Variants in NPBWR1 observed in about 807,000 individuals in gnomAD.
The protein encoded by NPBWR1 is neuropeptides B and W receptor 1.
NPBWR1 carries 4 observed loss-of-function variants against 2.8 expected under a neutral mutation model. That is an observed-to-expected ratio of 1.44 (90% CI 0.71 to 3.29). The LOEUF is 3.29. Among genes scored for constraint, NPBWR1 ranks in the 30% most tolerant of loss-of-function variants. NPBWR1 has a pLI of 0.01. For missense variants in NPBWR1, 545 were observed against 462.5 expected, an observed-to-expected ratio of 1.18 and a Z score of -1.64; for synonymous variants, 250 against 224.5, an observed-to-expected ratio of 1.11 and a Z score of -1.02.
Position 52,939,985 on chromosome 8 carries a change from G to T in NPBWR1, c.78G>T (p.Ala26=), listed in dbSNP as rs750034229. The T allele has an allele frequency of 2.5e-6, 4 of 1,601,908 alleles. No individual in the cohort carries two copies. Among genetic ancestry groups the T allele is most frequent in the Non-Finnish European group, 2.5e-6 (3 of 1,179,128 alleles). The change falls in exon 2 of 2, where the codon GCG becomes GCT. Residue 26 remains alanine (A), a synonymous_variant. Transcript: ENST00000674939. ...GPDPALSCSN[A]STLAPLPAPL... ...ACCCGGCGCTGAGCTGCTCCAACGC[G>T]TCGACTCTGGCGCCGCTGCCGGCGC...
At position 52,940,971 on chromosome 8, in the gene NPBWR1, C is replaced by A. The variant is rs1860189037; in HGVS notation, c.*77C>A. Reference sequence around the variant, plus strand: ...AGGAGCCGGCGCCAGAGTGCGGGACCAGACAGGCCGCCTAGGCCTCCTGGG... The same window carrying A: ...AGGAGCCGGCGCCAGAGTGCGGGACAAGACAGGCCGCCTAGGCCTCCTGGG... On this transcript the variant is annotated 3_prime_UTR_variant, in exon 2 of 2. Transcript: ENST00000674939. 3.4e-6 allele frequency: 5 copies of A among 1,485,226 alleles called. No individual in the cohort carries two copies. Among genetic ancestry groups the A allele is most frequent in the Non-Finnish European group, 3.6e-6 (4 of 1,123,568 alleles). 92.0% of individuals were successfully genotyped at this position (1,485,226 alleles called of 1,614,324 possible). A position where few individuals can be genotyped will look rare whatever the true frequency, so the allele number is the denominator to read the frequency against.
At chr8:52,939,513 A>G in intron 1 of NPBWR1, 147 bp downstream of exon 1, 1 of 187,498 alleles carries the variant, frequency 5.3e-6, no homozygotes, top group Non-Finnish European at 1.1e-5. Context: ...CATTTTTCCT[A>G]TGGAGGATTC....
chr8:52,939,562 A>C, intron 1 of NPBWR1, 149 bp from the exon 2 acceptor site: 1 of 288,504 alleles, frequency 3.5e-6, no homozygotes, highest in Non-Finnish European at 6.4e-6. Flanking sequence ...TTCAACTGGT[A>C]GAAGTGAGAT....
At chr8:52,939,633 C>T (rs914540198) in intron 1 of NPBWR1, 78 bp from the exon 2 acceptor site, 8 of 421,776 alleles carry the variant, frequency 1.9e-5, no homozygotes, top group South Asian at 7.5e-5. Flanking sequence ...GCGCCACCCC[C>T]ACCCCTCCTC....
chr8:52,941,907 G>A lies in NPBWR1; in HGVS notation c.*1013G>A, dbSNP rs544421115. Among the ~76,000 whole-genome samples the A allele has an allele frequency of 7.2e-5, 11 of 152,314 alleles. No homozygotes were observed. Among genetic ancestry groups the A allele is most frequent in the African/African-American group, 2.4e-4 (10 of 41,576 alleles). On this transcript the variant is annotated 3_prime_UTR_variant, in exon 2 of 2. Transcript: ENST00000674939. ...CATCGTTGCTTATAGAGGATGCCAAGCCCCACCCCCATTCCCCCAATTGGC... is the reference window on the plus strand; with the variant it reads ...CATCGTTGCTTATAGAGGATGCCAAACCCCACCCCCATTCCCCCAATTGGC...
Position 52,942,762 on chromosome 8 carries a change from C to T in NPBWR1, c.*1868C>T. ...CATAGCCATCAGTTTAGAAAATATA[C>T]ATTAAAAAACCTTCTGTCTTGGGTG... On this transcript the variant is annotated 3_prime_UTR_variant, in exon 2 of 2. Coordinates refer to ENST00000674939, the MANE Select transcript of NPBWR1 (RefSeq NM_005285.5). 6.6e-6 allele frequency among the ~76,000 whole-genome samples: 1 copy of T among 152,050 alleles called. No individual in the cohort carries two copies. The highest frequency in any genetic ancestry group is 1.5e-5 in the Non-Finnish European group (1 of 68,006).
Position 52,940,915 on chromosome 8 carries a change from G to C in NPBWR1, c.*21G>C. The C allele has an allele frequency of 6.5e-7, 1 of 1,548,898 alleles. No homozygotes were observed. Among genetic ancestry groups the C allele is most frequent in the Non-Finnish European group, 8.7e-7 (1 of 1,148,920 alleles). ...CCTGACTCCCCCAGCGTCCGGCTCC[G>C]CAACTGCCCGCCACTCCTGGCCAGC... On this transcript the variant is annotated 3_prime_UTR_variant, in exon 2 of 2. Coordinates refer to ENST00000674939, the MANE Select transcript of NPBWR1 (RefSeq NM_005285.5).
In NPBWR1 at chr8:52,940,650, G is replaced by C; in HGVS notation, c.743G>C (p.Arg248Pro). 8.1e-6 allele frequency: 13 copies of C among 1,611,054 alleles called. 1 individual carries two copies. Among genetic ancestry groups the C allele is most frequent in the South Asian group, 5.5e-5 (5 of 90,900 alleles). ...AAGGCCCTGGAGCGCGCCAAGAAGC[G>C]GGTGACCTTCCTGGTGGTGGCAATC... ...HAKALERAKK[R>P]VTFLVVAILA... Residue 248 changes from arginine to proline, a missense_variant, in exon 2 of 2, where the codon CGG becomes CCG. Physicochemically the swap from Arg to Pro is moderately radical, Grantham distance 103 (BLOSUM62 -2). Transcript: ENST00000674939.
At position 52,942,539 on chromosome 8, in the gene NPBWR1, T is replaced by C. The variant is rs1451339161; in HGVS notation, c.*1645T>C. ...CATGTGTGAGAAAAAAAAATGTGAG[T>C]GTTGCAGCACATTTTGTTTGCTTAG... On this transcript the variant is annotated 3_prime_UTR_variant, in exon 2 of 2. Transcript: ENST00000674939. Among the ~76,000 whole-genome samples the C allele has an allele frequency of 6.6e-6, 1 of 152,142 alleles. No homozygotes were observed. The highest frequency in any genetic ancestry group is 1.5e-5 in the Non-Finnish European group (1 of 68,016).
rs537467399 is a variant in NPBWR1, at chr8:52,943,445, T to C, written c.*2551T>C. On this transcript the variant is annotated 3_prime_UTR_variant, in exon 2 of 2. Transcript: ENST00000674939. ...TATCTCAGGCTTCCTTTTTATGTCT[T>C]GGGTAATCGGTTGAATAAATACACA... 6.6e-6 allele frequency among the ~76,000 whole-genome samples: 1 copy of C among 152,202 alleles called. No homozygotes were observed. Among genetic ancestry groups the C allele is most frequent in the Non-Finnish European group, 1.5e-5 (1 of 68,028 alleles).
Position 52,940,057 on chromosome 8 carries a change from G to A in NPBWR1, c.150G>A (p.Val50=), listed in dbSNP as rs769245122. 3.1e-6 allele frequency: 5 copies of A among 1,609,154 alleles called. No individual in the cohort carries two copies. The South Asian group carries it at 3.3e-5, about 11-fold the overall frequency. ...VPVVYAVICA[V]GLAGNSAVLY... is the part of the protein sequence containing the mutation. Reference sequence around the variant, plus strand: ...TTGTCTACGCGGTGATCTGCGCCGTGGGTCTGGCGGGCAACTCCGCCGTGC... The same window carrying A: ...TTGTCTACGCGGTGATCTGCGCCGTAGGTCTGGCGGGCAACTCCGCCGTGC... Residue 50 remains valine, a synonymous_variant, in exon 2 of 2, where the codon GTG becomes GTA. Transcript: ENST00000674939.
Position 52,941,133 on chromosome 8 carries a change from T to C in NPBWR1, c.*239T>C, listed in dbSNP as rs993963253. The C allele has an allele frequency of 1.2e-5, 7 of 596,382 alleles. No homozygotes were observed. In the African/African-American group the frequency reaches 1.3e-4, roughly 11 times the overall value. 36.9% of individuals were successfully genotyped at this position (596,382 alleles called of 1,614,324 possible). A position where few individuals can be genotyped will look rare whatever the true frequency, so the allele number is the denominator to read the frequency against. ...AGAACTGAGGCTGAGATCGCCACAC[T>C]GAGGGCTCCCTAAAGCCGAGGTGGA... On this transcript the variant is annotated 3_prime_UTR_variant, in exon 2 of 2. Transcript: ENST00000674939.
In NPBWR1 at chr8:52,943,563, AT is replaced by A. The variant is rs1449473603; in HGVS notation, c.*2670del. ...TTCTTGCAGTTTCTGTGTAAACTCT[AT>A]GGTTTGGTTTTACCACTTTGAATAG... On this transcript the variant is annotated 3_prime_UTR_variant, in exon 2 of 2. Coordinates refer to ENST00000674939, the MANE Select transcript of NPBWR1 (RefSeq NM_005285.5). Among the ~76,000 whole-genome samples the A allele has an allele frequency of 2.6e-5, 4 of 152,204 alleles. No homozygotes were observed. Among genetic ancestry groups the A allele is most frequent in the Non-Finnish European group, 5.9e-5 (4 of 68,042 alleles).
rs576929528 is a variant in NPBWR1, at chr8:52,942,065, A to G, written c.*1171A>G. On this transcript the variant is annotated 3_prime_UTR_variant, in exon 2 of 2. Coordinates refer to ENST00000674939, the MANE Select transcript of NPBWR1 (RefSeq NM_005285.5). ...TGCCATGAAGATCAAATAAGATAAA[A>G]AGAAATGCGATCTATTCTCTTGTGT... Among the ~76,000 whole-genome samples, 8 of 152,262 alleles carry G rather than the reference A, an allele frequency of 5.3e-5. No individual in the cohort carries two copies. The highest frequency in any genetic ancestry group is 8.8e-5 in the Non-Finnish European group (6 of 68,046).
Position 52,940,135 on chromosome 8 carries a change from C to G in NPBWR1, c.228C>G (p.Ile76Met), listed in dbSNP as rs141178900. The change falls in exon 2 of 2, where the codon ATC (isoleucine) becomes ATG (methionine). Residue 76 changes from isoleucine to methionine, a missense_variant. Physicochemically the swap from Ile to Met is conservative, Grantham distance 10. Transcript: ENST00000674939. ...TGAAGACCGTCACCAACCTGTTCAT[C>G]CTCAACCTGGCCATCGCCGACGAGC... ...PRMKTVTNLF[I>M]LNLAIADELF... 3.1e-6 allele frequency: 5 copies of G among 1,613,406 alleles called. No homozygotes were observed. Among genetic ancestry groups the G allele is most frequent in the Non-Finnish European group, 4.2e-6 (5 of 1,179,996 alleles).
chr8:52,940,449 A>G lies in NPBWR1; in HGVS notation c.542A>G (p.Asp181Gly). The G allele has an allele frequency of 6.3e-7, 1 of 1,592,070 alleles. No individual in the cohort carries two copies. Among genetic ancestry groups the G allele is most frequent in the Non-Finnish European group, 8.5e-7 (1 of 1,174,628 alleles). ...LPFAVFARLD[D>G]EQGRRQCVLV... is the part of the protein sequence containing the mutation. Reference sequence around the variant, plus strand: ...TTCGCAGTCTTCGCCCGGCTAGACGACGAGCAGGGCCGGCGCCAGTGCGTG... The same window carrying G: ...TTCGCAGTCTTCGCCCGGCTAGACGGCGAGCAGGGCCGGCGCCAGTGCGTG... The change falls in exon 2 of 2, where the codon GAC (aspartate) becomes GGC (glycine). Residue 181 changes from aspartate to glycine, a missense_variant. Physicochemically the swap from Asp to Gly is moderately conservative, Grantham distance 94. Coordinates refer to ENST00000674939, the MANE Select transcript of NPBWR1 (RefSeq NM_005285.5).
chr8:52,939,302 C>CCGCAG lies in NPBWR1; in HGVS notation c.-260_-256dup, dbSNP rs1860146624. On this transcript the variant is annotated 5_prime_UTR_variant, in exon 1 of 2. Transcript: ENST00000674939. ...CCAGCCGGCAGGCGTCTCAGCCTCC[C>CCGCAG]CGCAGCCGGCGGGCTTTTCTCCTGA... 6.6e-6 allele frequency: 1 copy of CCGCAG among 152,232 alleles called. No individual in the cohort carries two copies. The allele number at this position is 152,232 out of a possible 1,614,324, so 9.4% of individuals were successfully genotyped here.
Position 52,942,857 on chromosome 8 carries a change from C to G in NPBWR1, c.*1963C>G, listed in dbSNP as rs1388333759. Among the ~76,000 whole-genome samples the G allele has an allele frequency of 6.6e-6, 1 of 152,198 alleles. No individual in the cohort carries two copies. Among genetic ancestry groups the G allele is most frequent in the Non-Finnish European group, 1.5e-5 (1 of 68,032 alleles). On this transcript the variant is annotated 3_prime_UTR_variant, in exon 2 of 2. Transcript: ENST00000674939. ...GAGTTTCGAGTGGTGGACCTCATGG[C>G]ATTTGAACAGGCCTCTCTCTGCTGG...
Position 52,940,523 on chromosome 8 carries a change from T to A in NPBWR1, c.616T>A (p.Tyr206Asn). The A allele has an allele frequency of 6.3e-7, 1 of 1,593,638 alleles. No individual in the cohort carries two copies. The highest frequency in any genetic ancestry group is 1.1e-5 in the South Asian group (1 of 89,094). Reference sequence around the variant, plus strand: ...CTTCTGGTGGCGCGCGAGCCGCCTCTACACGCTCGTGCTGGGCTTCGCCAT... The same window carrying A: ...CTTCTGGTGGCGCGCGAGCCGCCTCAACACGCTCGTGCTGGGCTTCGCCAT... ...EAFWWRASRL[Y>N]TLVLGFAIPV... Residue 206 changes from tyrosine to asparagine, a missense_variant, in exon 2 of 2, where the codon TAC becomes AAC. Physicochemically the swap from Tyr to Asn is moderately radical, Grantham distance 143. Coordinates refer to ENST00000674939, the MANE Select transcript of NPBWR1 (RefSeq NM_005285.5).
Sources: gnomAD v4.1 joint callset for allele counts (sites outside exome capture counted in the v4.1 genomes callset) on GRCh38, gnomAD v4.1.1 for gene constraint, MANE v1.5 for transcripts, NCBI Gene and HGNC (gene_info 2026-07-23, HGNC 2026-07-21) for gene names.